Variants in CRIM1 observed in about 807,000 individuals in gnomAD.
CRIM1 encodes the protein cysteine-rich motor neuron 1 protein.
Under a neutral mutation model 116.4 loss-of-function variants are expected in CRIM1, and 32 were observed. The observed-to-expected ratio is 0.27, with a 90% CI of 0.21 to 0.37. The LOEUF is 0.37. CRIM1 is among the 10% of genes least tolerant of loss of function. The pLI is 1.00. For missense variants in CRIM1, 1,331 were observed against 1,354.8 expected, an observed-to-expected ratio of 0.98 and a Z score of 0.28; for synonymous variants, 590 against 509.2, an observed-to-expected ratio of 1.16 and a Z score of -2.13.
intron 2 of CRIM1, among the ~76,000 whole-genome samples, chr2:36,402,106 G>T (rs981813819): frequency 3.3e-5 from 5 of 152,138 alleles, no homozygotes; most frequent in Admixed American, 6.5e-5. Context: ...TGTCTCCTAG[G>T]TTTCTCAAAC....
In CRIM1 at chr2:36,464,411, A is replaced by G. The variant is rs1321117168; in HGVS notation, c.870-123A>G. 7 of 947,814 alleles carry G rather than the reference A, an allele frequency of 7.4e-6. No individual in the cohort carries two copies. In the East Asian group the frequency reaches 1.5e-4, roughly 20 times the overall value. The allele number at this position is 947,814 out of a possible 1,614,324, so 58.7% of individuals were successfully genotyped here. A position where few individuals can be genotyped will look rare whatever the true frequency, so the allele number is the denominator to read the frequency against. On this transcript the variant is annotated intron_variant, in intron 4 of 16. Transcript: ENST00000280527. ...TTCCCATTTCCCAGTGACACCAGATAAAGGAGGCAGTGTCGTATAGACCAG... is the reference window on the plus strand; with the variant it reads ...TTCCCATTTCCCAGTGACACCAGATGAAGGAGGCAGTGTCGTATAGACCAG...
At chr2:36,371,383 G>A (rs996161332) in intron 1 of CRIM1, among the ~76,000 whole-genome samples, 1 of 152,094 alleles carries the variant, frequency 6.6e-6, no homozygotes, top group African/African-American at 2.4e-5. Context: ...TGCCAGGATT[G>A]TGTGTTATTC....
chr2:36,367,880 G>T (rs1669699319), intron 1 of CRIM1, among the ~76,000 whole-genome samples: 1 of 152,166 alleles, frequency 6.6e-6, no homozygotes, highest in Non-Finnish European at 1.5e-5. Flanking sequence ...TTATGTGTTT[G>T]CTGCCTTCCC....
At chr2:36,480,633 C>T (rs541532961) in intron 7 of CRIM1, among the ~76,000 whole-genome samples, 28 of 152,268 alleles carry the variant, frequency 1.8e-4, no homozygotes, top group South Asian at 6.2e-4. Context: ...TTAATAAACT[C>T]AGACTCCAGA....
At chr2:36,445,091 G>A (rs186898219) in intron 4 of CRIM1, among the ~76,000 whole-genome samples, 1 of 152,232 alleles carries the variant, frequency 6.6e-6, no homozygotes, top group East Asian at 1.9e-4. Flanking sequence ...TAATGTGTCA[G>A]CCCACATCTG....
chr2:36,385,296 T>C (rs1671093113), intron 1 of CRIM1, among the ~76,000 whole-genome samples: 1 of 152,220 alleles, frequency 6.6e-6, no homozygotes, highest in Non-Finnish European at 1.5e-5. Context: ...AGTTGATTTG[T>C]AAAAGCATTC....
chr2:36,484,167 G>C (rs1332350480), intron 7 of CRIM1, among the ~76,000 whole-genome samples: 1 of 152,194 alleles, frequency 6.6e-6, no homozygotes, highest in Non-Finnish European at 1.5e-5. Context: ...CAGAATCACA[G>C]AGTTTAACTG....
chr2:36,458,282 A>G (rs2124990585), intron 4 of CRIM1, among the ~76,000 whole-genome samples: 1 of 152,136 alleles, frequency 6.6e-6, no homozygotes, highest in East Asian at 1.9e-4. Flanking sequence ...CCAGGAGGAT[A>G]CCTCTGGGGT....
intron 13 of CRIM1, among the ~76,000 whole-genome samples, chr2:36,527,746 A>T (rs1050398649): frequency 6.6e-6 from 1 of 152,260 alleles, no homozygotes; most frequent in African/African-American, 2.4e-5. Context: ...TAAATATTTA[A>T]TTCAGGCATC....
At chr2:36,390,937 T>C in intron 1 of CRIM1, among the ~76,000 whole-genome samples, 1 of 151,172 alleles carries the variant, frequency 6.6e-6, no homozygotes, top group East Asian at 2.0e-4. Flanking sequence ...AGCCTCCCAA[T>C]TAGCTGGGAT....
chr2:36,517,894 C>A (rs1558393651), intron 12 of CRIM1, among the ~76,000 whole-genome samples: 1 of 152,132 alleles, frequency 6.6e-6, no homozygotes, highest in East Asian at 1.9e-4. Context: ...GAAAAGTCAT[C>A]TTTATGTAAC....
intron 8 of CRIM1, among the ~76,000 whole-genome samples, chr2:36,509,347 C>T (rs553186566): frequency 2.0e-5 from 3 of 152,120 alleles, no homozygotes; most frequent in Non-Finnish European, 2.9e-5. Context: ...GTAGAGAAGG[C>T]GAAACCGCAT....
At chr2:36,464,375 C>T (rs1677828934) in intron 4 of CRIM1, among the ~76,000 whole-genome samples, 159 bp from the exon 5 acceptor site, 1 of 152,274 alleles carries the variant, frequency 6.6e-6, no homozygotes, top group Middle Eastern at 3.4e-3. Context: ...TATGGTAGAA[C>T]CCCTCCTGCC....
chr2:36,361,037 A>G (rs1258478281), intron 1 of CRIM1, among the ~76,000 whole-genome samples: 3 of 152,150 alleles, frequency 2.0e-5, no homozygotes, highest in African/African-American at 4.8e-5. Flanking sequence ...GTTCCTCCCA[A>G]AAGTAAATAT....
At chr2:36,380,804 G>T (rs1321090098) in intron 1 of CRIM1, among the ~76,000 whole-genome samples, 2 of 152,196 alleles carry the variant, frequency 1.3e-5, no homozygotes, top group African/African-American at 4.8e-5. Context: ...GGCATTGGAA[G>T]TTTCTTCAGA....
chr2:36,373,842 AGTC>A (rs1670114530), intron 1 of CRIM1, among the ~76,000 whole-genome samples: 1 of 152,142 alleles, frequency 6.6e-6, no homozygotes, highest in African/African-American at 2.4e-5. Flanking sequence ...GTGTCCTGGT[AGTC>A]TGTTATGTCC....
chr2:36,426,677 C>G (rs1674471909), intron 2 of CRIM1, among the ~76,000 whole-genome samples: 1 of 152,096 alleles, frequency 6.6e-6, no homozygotes, highest in African/African-American at 2.4e-5. Context: ...TCACATTGAG[C>G]CAGTCCATCA....
At chr2:36,424,926 T>A (rs1202269974) in intron 2 of CRIM1, among the ~76,000 whole-genome samples, 2 of 152,240 alleles carry the variant, frequency 1.3e-5, no homozygotes. Flanking sequence ...TTAAATTATT[T>A]CCTCTATTCT....
intron 2 of CRIM1, among the ~76,000 whole-genome samples, chr2:36,440,960 G>A (rs1239962841): frequency 1.3e-5 from 2 of 152,182 alleles, no homozygotes; most frequent in African/African-American, 4.8e-5. Flanking sequence ...TCCACGCCAT[G>A]GGTGCATCTT....
Sources: allele counts gnomAD v4.1 joint callset (sites outside exome capture counted in the v4.1 genomes callset), GRCh38; gene constraint gnomAD v4.1.1; transcripts MANE v1.5; gene names NCBI Gene and HGNC (gene_info 2026-07-23, HGNC 2026-07-21).